CAST: variants seen among roughly 807,000 people sequenced by gnomAD.
CAST encodes the protein MIR583 host.
Under a neutral mutation model 119.6 loss-of-function variants are expected in CAST, and 76 were observed. The observed-to-expected ratio is 0.64, with a 90% CI of 0.53 to 0.77. The LOEUF is 0.77. Ranked by LOEUF, CAST falls within the 30% of genes least tolerant of loss-of-function variation. The pLI, the probability that CAST is intolerant of heterozygous loss-of-function variation, is 0.00. For missense variants in CAST, 953 were observed against 946.5 expected (o/e 1.01, Z -0.09); for synonymous variants, 319 against 331.6 (o/e 0.96, Z 0.41).
Position 96,561,098 on chromosome 5 carries a change from A to C in CAST, c.60+31218A>C, listed in dbSNP as rs146594260. 6.5e-3 allele frequency among the ~76,000 whole-genome samples: 983 copies of C among 151,894 alleles called. 12 individuals are homozygous for C. The highest frequency in any genetic ancestry group is 0.023 in the African/African-American group (948 of 41,398). ...AGCATCATTCTGAGCAAACTATCGC[A>C]AGGACAAAACACCAAACACCACATG... is the stretch of plus-strand genomic sequence containing the variant. On this transcript the variant is annotated intron_variant, in intron 1 of 11. Coordinates refer to the CAST transcript ENST00000505143.
In CAST at chr5:96,774,547, T is replaced by C. The variant is rs1773650047; in HGVS notation, c.*1931T>C. The C allele has an allele frequency of 1.0e-6, 1 of 985,976 alleles. No homozygotes were observed. Among genetic ancestry groups the C allele is most frequent in the Non-Finnish European group, 1.2e-6 (1 of 829,858 alleles). The allele number at this position is 985,976 out of a possible 1,614,324, so 61.1% of individuals were successfully genotyped here. Reference sequence around the variant, plus strand: ...TCTGCACATTGTTGTGGCAATATTGTATCTGTTTAGAAAATGGGCTTTTCC... The same window carrying C: ...TCTGCACATTGTTGTGGCAATATTGCATCTGTTTAGAAAATGGGCTTTTCC... On this transcript the variant is annotated 3_prime_UTR_variant, in exon 32 of 32. Coordinates refer to ENST00000675179, the MANE Select transcript of CAST (RefSeq NM_001750.7).
At chr5:96,323,671 G>A in the CAST span, among the ~76,000 whole-genome samples, 1 of 151,980 alleles carries the variant, frequency 6.6e-6, no homozygotes, top group Non-Finnish European at 1.5e-5. Context: ...TTATTGTTCT[G>A]GCCCAAGTGT....
At chr5:96,703,237 G>T (rs892246549) in intron 3 of CAST, among the ~76,000 whole-genome samples, 1 of 152,146 alleles carries the variant, frequency 6.6e-6, no homozygotes, top group Non-Finnish European at 1.5e-5. Flanking sequence ...GAGACAAGTG[G>T]CCCGAGACAA....
the CAST span, among the ~76,000 whole-genome samples, chr5:96,238,388 C>CTTCTCCTTT: frequency 6.7e-6 from 1 of 149,516 alleles, no homozygotes; most frequent in Non-Finnish European, 1.5e-5. Context: ...TCTTCTCCTT[C>CTTCTCCTTT]TTCTTCTTCT....
At chr5:96,111,861 G>A in the CAST span, among the ~76,000 whole-genome samples, 3 of 151,878 alleles carry the variant, frequency 2.0e-5, no homozygotes, top group East Asian at 1.9e-4. Flanking sequence ...TTCCCAGGTT[G>A]GTCTCAAACT....
At chr5:96,406,711 G>A in the CAST span, among the ~76,000 whole-genome samples, 5 of 152,354 alleles carry the variant, frequency 3.3e-5, no homozygotes, top group South Asian at 1.0e-3. Flanking sequence ...ATTACGAACT[G>A]AGTCTACTGA....
chr5:96,623,100 G>A (rs897254335), intron 1 of CAST, among the ~76,000 whole-genome samples: 2 of 151,822 alleles, frequency 1.3e-5, no homozygotes, highest in African/African-American at 2.4e-5. Context: ...TCCTGACCTC[G>A]TGATCTGTCC....
At chr5:96,098,722 G>A in the CAST span, among the ~76,000 whole-genome samples, 5 of 152,242 alleles carry the variant, frequency 3.3e-5, no homozygotes, top group African/African-American at 4.8e-5. Context: ...TTTGGTTACT[G>A]TAGCCCTGTA....
At chr5:96,197,725 A>G in the CAST span, among the ~76,000 whole-genome samples, 2 of 152,180 alleles carry the variant, frequency 1.3e-5, no homozygotes, top group Non-Finnish European at 2.9e-5. Context: ...GCACAGGGAC[A>G]TTAAGTAATT....
At chr5:96,621,726 T>C (rs925349374) in intron 1 of CAST, among the ~76,000 whole-genome samples, 2 of 152,186 alleles carry the variant, frequency 1.3e-5, no homozygotes, top group Non-Finnish European at 2.9e-5. Context: ...AGCCAAACCA[T>C]ATCAGCAGGT....
chr5:96,714,184 A>G (rs930628582), intron 3 of CAST, among the ~76,000 whole-genome samples: 2 of 152,126 alleles, frequency 1.3e-5, no homozygotes, highest in Non-Finnish European at 2.9e-5. Flanking sequence ...ATCTTTTTTT[A>G]TATACATTAA....
chr5:96,696,237 T>A (rs1753275879), intron 3 of CAST: 1 of 164,412 alleles, frequency 6.1e-6, no homozygotes, highest in South Asian at 1.7e-4. Flanking sequence ...AGAAAATAAT[T>A]CATATCCTCC....
chr5:96,628,881 G>T (rs1203062503), intron 1 of CAST, among the ~76,000 whole-genome samples: 1 of 152,142 alleles, frequency 6.6e-6, no homozygotes, highest in Non-Finnish European at 1.5e-5. Flanking sequence ...GGTCATAAAG[G>T]CCCAGCCATT....
chr5:96,647,030 T>C (rs1330209028), intron 1 of CAST, among the ~76,000 whole-genome samples: 1 of 152,190 alleles, frequency 6.6e-6, no homozygotes, highest in East Asian at 1.9e-4. Flanking sequence ...ATTTTGAGGC[T>C]TGGATTATTT....
intron 3 of CAST, among the ~76,000 whole-genome samples, chr5:96,697,328 G>A (rs1329136606): frequency 6.6e-6 from 1 of 151,880 alleles, no homozygotes; most frequent in Non-Finnish European, 1.5e-5. Flanking sequence ...CTATCTTATG[G>A]AAGTCAGACT....
chr5:96,096,496 A>G, the CAST span, among the ~76,000 whole-genome samples: 1 of 152,358 alleles, frequency 6.6e-6, no homozygotes, highest in South Asian at 2.1e-4. Flanking sequence ...GGAGGGGAAC[A>G]AAGCCATTGG....
At chr5:96,030,579 C>T in the CAST span, among the ~76,000 whole-genome samples, 2 of 152,066 alleles carry the variant, frequency 1.3e-5, no homozygotes, top group East Asian at 3.9e-4. Flanking sequence ...TTATTTGCAG[C>T]CCCTTTAAAA....
the CAST span, among the ~76,000 whole-genome samples, chr5:96,500,900 A>G: frequency 6.6e-6 from 1 of 152,248 alleles, no homozygotes; most frequent in East Asian, 1.9e-4. Flanking sequence ...ATGTCAGATC[A>G]TGTTGACTAC....
chr5:96,208,504 C>G, the CAST span, among the ~76,000 whole-genome samples: 4 of 151,730 alleles, frequency 2.6e-5, no homozygotes, highest in Non-Finnish European at 5.9e-5. Flanking sequence ...TAACTGTGTC[C>G]CAGAGATTCT....
Sources: allele counts gnomAD v4.1 joint callset (sites outside exome capture counted in the v4.1 genomes callset), GRCh38; gene constraint gnomAD v4.1.1; transcripts MANE v1.5; gene names NCBI Gene and HGNC (gene_info 2026-07-23, HGNC 2026-07-21).